Variants in EHD1 observed in about 807,000 individuals in gnomAD.
EHD1 encodes the protein EH domain-containing protein 1.
Under a neutral mutation model 39.0 loss-of-function variants are expected in EHD1, and 19 were observed. The observed-to-expected ratio is 0.49, with a 90% confidence interval of 0.34 to 0.72. EHD1 has a LOEUF of 0.72. Ranked by LOEUF, EHD1 falls within the 30% of genes least tolerant of loss-of-function variation. EHD1 has a pLI of 0.01. For synonymous variants in EHD1, 323 were observed against 331.2 expected (o/e 0.98, Z 0.27); for missense variants, 542 against 751.5 (o/e 0.72, Z 3.26).
chr11:64,864,758 C>T (rs750581599), intron 2 of EHD1, among the ~76,000 whole-genome samples: 2 of 152,336 alleles, frequency 1.3e-5, no homozygotes, highest in Admixed American at 6.5e-5. Context: ...ATGCCAAAAC[C>T]GAGTTCTTGG....
At chr11:64,872,002 G>A (rs977949855) in intron 2 of EHD1, among the ~76,000 whole-genome samples, 2 of 152,200 alleles carry the variant, frequency 1.3e-5, no homozygotes, top group Non-Finnish European at 2.9e-5. Flanking sequence ...GACAGCCAGT[G>A]TAGACACCTC....
rs1435816881 is a variant in EHD1 at position 64,868,249 on chromosome 11, T to C, written c.502+6172A>G. Among the ~76,000 whole-genome samples, 1 of 152,164 alleles carries C rather than the reference T, an allele frequency of 6.6e-6. No individual in the cohort carries two copies. The highest frequency in any genetic ancestry group is 1.5e-5 in the Non-Finnish European group (1 of 68,032). ...TCGCCCTAGCTCTCCATCACACAGGTTTCCAACGCGTGCTGGGCCTCGTTC... is the reference window on the plus strand; with the variant it reads ...TCGCCCTAGCTCTCCATCACACAGGCTTCCAACGCGTGCTGGGCCTCGTTC... On this transcript the variant is annotated intron_variant, in intron 2 of 4. Coordinates refer to ENST00000320631, the MANE Select transcript of EHD1 (RefSeq NM_006795.4). The surrounding 1 kb of genome is among the most constrained non-coding windows in gnomAD (Gnocchi z 4.2).
chr11:64,873,114 C>T (rs1427631373), intron 2 of EHD1, among the ~76,000 whole-genome samples: 4 of 152,200 alleles, frequency 2.6e-5, no homozygotes, highest in Non-Finnish European at 5.9e-5. Flanking sequence ...GAAAAAGGGG[C>T]AGTGACAGAT....
intron 3 of EHD1, 118 bp downstream of exon 3, chr11:64,859,806 G>T (rs1267945234): frequency 1.5e-6 from 2 of 1,376,008 alleles, no homozygotes; most frequent in Non-Finnish European, 1.9e-6. Context: ...GCGCAGTGCA[G>T]GTCTGCCTGT....
chr11:64,879,648 C>T, upstream of EHD1: 1 of 1,551,064 alleles, frequency 6.4e-7, no homozygotes, highest in Non-Finnish European at 8.7e-7. Flanking sequence ...ACTCCCCCGC[C>T]ATCCTCCCCG....
At chr11:64,878,983 A>T, upstream of EHD1, 2 of 997,914 alleles carry the variant, frequency 2.0e-6, no homozygotes, top group Non-Finnish European at 2.4e-6. Context: ...TCCACGAGAC[A>T]CCCAGTCAGG....
intron 2 of EHD1, among the ~76,000 whole-genome samples, chr11:64,860,826 C>T (rs764158794): frequency 3.3e-5 from 5 of 152,004 alleles, no homozygotes; most frequent in African/African-American, 7.2e-5. Context: ...TCAAGACCAG[C>T]CTGGCCAACA....
Position 64,854,774 on chromosome 11 carries a change from G to A in EHD1, c.1164C>T (p.Asn388=), listed in dbSNP as rs1340756766. 10 of 1,607,730 alleles carry A rather than the reference G, an allele frequency of 6.2e-6. No homozygotes were observed. The highest frequency in any genetic ancestry group is 3.3e-5 in the Admixed American group (2 of 60,012). The change falls in exon 5 of 5, where the codon AAC becomes AAT. Residue 388 remains asparagine (N), a synonymous_variant. Coordinates refer to ENST00000320631, the MANE Select transcript of EHD1 (RefSeq NM_006795.4). ...LLDTVDDMLA[N]DIARLMVMVR... ...CCATCACCATCAGCCGCGCGATGTCGTTGGCCAGCATGTCATCCACCGTGT... is the reference window on the plus strand; with the variant it reads ...CCATCACCATCAGCCGCGCGATGTCATTGGCCAGCATGTCATCCACCGTGT...
Position 64,860,273 on chromosome 11 carries a change from A to G in EHD1, c.566T>C (p.Phe189Ser). Residue 189 changes from phenylalanine (F) to serine (S), a missense_variant, in exon 3 of 5, where the codon TTC becomes TCC. Transcript: ENST00000320631. ...AERVDRIILL[F>S]DAHKLDISDE... ...GGAGATGTCCAGCTTGTGGGCGTCGAAGAGCAGGATGATGCGGTCCACACG... is the reference window on the plus strand; with the variant it reads ...GGAGATGTCCAGCTTGTGGGCGTCGGAGAGCAGGATGATGCGGTCCACACG... The G allele has an allele frequency of 6.2e-7, 1 of 1,613,960 alleles. No individual in the cohort carries two copies. The highest frequency in any genetic ancestry group is 8.5e-7 in the Non-Finnish European group (1 of 1,180,024).
intron 3 of EHD1, among the ~76,000 whole-genome samples, chr11:64,858,421 G>C (rs984251155): frequency 2.0e-5 from 3 of 150,512 alleles, no homozygotes; most frequent in African/African-American, 7.4e-5. Flanking sequence ...CTGACCTCAG[G>C]TGATGCGCCC....
At chr11:64,858,577 T>C (rs1236430738) in intron 3 of EHD1, among the ~76,000 whole-genome samples, 1 of 152,242 alleles carries the variant, frequency 6.6e-6, no homozygotes, top group East Asian at 1.9e-4. Context: ...GCTTGGTCAC[T>C]TCTCAGCTGT....
intron 3 of EHD1, among the ~76,000 whole-genome samples, chr11:64,858,551 G>A (rs1239242873): frequency 6.6e-6 from 1 of 152,202 alleles, no homozygotes; most frequent in African/African-American, 2.4e-5. Context: ...TAGGTGCCCT[G>A]CTGATACAAA....
In EHD1 at chr11:64,854,279, C is replaced by A. The variant is rs373695316; in HGVS notation, c.*54G>T. 67 of 1,535,398 alleles carry A rather than the reference C, an allele frequency of 4.4e-5. No homozygotes were observed. Among genetic ancestry groups the A allele is most frequent in the East Asian group, 4.2e-4 (18 of 43,104 alleles). On this transcript the variant is annotated 3_prime_UTR_variant, in exon 5 of 5. Transcript: ENST00000320631. ...AGAAATGGTGAGGCTTCCCCTCCCC[C>A]CGTCTCTGCCTCCCGGCCGGGCGTG...
chr11:64,878,490 G>A lies in EHD1; in HGVS notation c.-26C>T. ...ACTGCCGGACACGGGGCTGGCTGCT[G>A]CGGGGCAGAGCGGCGGCTGAGAGCG... On this transcript the variant is annotated 5_prime_UTR_variant, in exon 1 of 5. Coordinates refer to ENST00000320631, the MANE Select transcript of EHD1 (RefSeq NM_006795.4). 1 of 1,568,038 alleles carries A rather than the reference G, an allele frequency of 6.4e-7. No individual in the cohort carries two copies. The highest frequency in any genetic ancestry group is 8.6e-7 in the Non-Finnish European group (1 of 1,159,156).
At chr11:64,867,167 C>A (rs1220404356) in intron 2 of EHD1, among the ~76,000 whole-genome samples, 1 of 152,190 alleles carries the variant, frequency 6.6e-6, no homozygotes, top group Non-Finnish European at 1.5e-5. Flanking sequence ...ACCTGTAATC[C>A]CAGTGCTTTG....
chr11:64,876,886 G>A (rs970415747), intron 1 of EHD1, among the ~76,000 whole-genome samples: 1 of 152,220 alleles, frequency 6.6e-6, no homozygotes, highest in African/African-American at 2.4e-5. Flanking sequence ...AGGAGGGCGG[G>A]CTGAAATGCC....
At chr11:64,877,963 A>T (rs1943902949) in intron 1 of EHD1, 98 bp downstream of exon 1, 1 of 1,296,210 alleles carries the variant, frequency 7.7e-7, no homozygotes, top group East Asian at 2.7e-5. Context: ...GGCCTCGGAG[A>T]CAAAGGACGG....
At chr11:64,866,734 G>C (rs370707911) in intron 2 of EHD1, among the ~76,000 whole-genome samples, 63 of 151,678 alleles carry the variant, frequency 4.2e-4, no homozygotes, top group African/African-American at 1.2e-3. Context: ...CTTATTACCT[G>C]GGTGATGAAA....
rs1307097346 is a variant in EHD1 at position 64,874,479 on chromosome 11, G to A, written c.444C>T (p.Ser148=). 4 of 1,611,494 alleles carry A rather than the reference G, an allele frequency of 2.5e-6. No homozygotes were observed. The highest frequency in any genetic ancestry group is 2.7e-5 in the African/African-American group (2 of 74,810). Residue 148 remains serine, a synonymous_variant, in exon 2 of 5, where the codon AGC becomes AGT. Coordinates refer to ENST00000320631, the MANE Select transcript of EHD1 (RefSeq NM_006795.4). ...TCCCGGGGGTGTCGATGATGCTGAT[G>A]CTGTCCAGGACGGGGTTGGGCAGCT... is the stretch of plus-strand genomic sequence containing the variant. ...CAQLPNPVLD[S]ISIIDTPGIL... is the part of the protein sequence containing the mutation.
Sources: gnomAD v4.1 joint callset for allele counts (sites outside exome capture counted in the v4.1 genomes callset) on GRCh38, gnomAD v4.1.1 for gene constraint, Gnocchi (gnomAD v3.1) non-coding constraint, MANE v1.5 for transcripts, NCBI Gene and HGNC (gene_info 2026-07-23, HGNC 2026-07-21) for gene names.